Variants in CHST11 observed in about 807,000 individuals in gnomAD.
CHST11 encodes carbohydrate sulfotransferase 11.
A neutral mutation model predicts 30.4 loss-of-function variants in CHST11; 9 were observed. The observed-to-expected ratio is 0.30, with a 90% CI of 0.18 to 0.52. The LOEUF (loss-of-function observed/expected upper bound fraction) is 0.52. Ranked by LOEUF, CHST11 falls within the 20% of genes least tolerant of loss-of-function variation. The probability of loss-of-function intolerance (pLI) is 0.97; values close to 1 mark genes in which losing one functional copy is unlikely to be tolerated. For synonymous variants in CHST11, 152 were observed against 187.8 expected, an observed-to-expected ratio of 0.81 and a Z score of 1.56; for missense variants, 348 against 460.6, an observed-to-expected ratio of 0.76 and a Z score of 2.24.
intron 2 of CHST11, among the ~76,000 whole-genome samples, chr12:104,751,593 T>C (rs115116471): frequency 0.013 from 1,975 of 152,350 alleles, 42 homozygotes; most frequent in African/African-American, 0.045. Context: ...TTGAGATTCC[T>C]ATCCAGGCGT....
chr12:104,731,054 C>T (rs533527088), intron 2 of CHST11, among the ~76,000 whole-genome samples: 1 of 152,350 alleles, frequency 6.6e-6, no homozygotes, highest in East Asian at 1.9e-4. Flanking sequence ...TACGAGCTGT[C>T]TTCCTCAGGC....
At chr12:104,670,363 G>A (rs1190595624) in intron 2 of CHST11, among the ~76,000 whole-genome samples, 2 of 152,040 alleles carry the variant, frequency 1.3e-5, no homozygotes, top group Non-Finnish European at 2.9e-5. Flanking sequence ...GTCCTTCCCC[G>A]CTTTTCTATT....
chr12:104,496,126 G>A (rs1350459927), intron 1 of CHST11, among the ~76,000 whole-genome samples: 1 of 152,232 alleles, frequency 6.6e-6, no homozygotes, highest in African/African-American at 2.4e-5. Context: ...AATAGAAAAT[G>A]TGAGGAGAGA....
chr12:104,518,724 A>G (rs1352041217), intron 1 of CHST11, among the ~76,000 whole-genome samples: 1 of 152,214 alleles, frequency 6.6e-6, no homozygotes, highest in Non-Finnish European at 1.5e-5. Context: ...TTCATTTTCT[A>G]CAAAATAGTC....
intron 2 of CHST11, among the ~76,000 whole-genome samples, chr12:104,619,927 T>C (rs955756766): frequency 2.0e-5 from 3 of 152,124 alleles, no homozygotes; most frequent in Non-Finnish European, 2.9e-5. Flanking sequence ...AGGACCAAAT[T>C]TGAATGGGAG....
intron 1 of CHST11, among the ~76,000 whole-genome samples, chr12:104,470,803 T>C (rs550473513): frequency 1.8e-4 from 27 of 152,334 alleles, no homozygotes; most frequent in Non-Finnish European, 3.4e-4. Context: ...GGATCCTGGC[T>C]CAGGTCTAAC....
At chr12:104,644,416 C>G (rs1045849224) in intron 2 of CHST11, among the ~76,000 whole-genome samples, 1 of 152,226 alleles carries the variant, frequency 6.6e-6, no homozygotes, top group Non-Finnish European at 1.5e-5. Flanking sequence ...AGGCCAGATT[C>G]TGTTTCCTGC....
At chr12:104,567,631 A>T (rs1273092488) in intron 1 of CHST11, among the ~76,000 whole-genome samples, 2 of 151,892 alleles carry the variant, frequency 1.3e-5, no homozygotes, top group Non-Finnish European at 2.9e-5. Context: ...TCTCCTGTGA[A>T]TTTTTTCCTG....
At chr12:104,695,754 C>G (rs116905589) in intron 2 of CHST11, among the ~76,000 whole-genome samples, 3 of 152,152 alleles carry the variant, frequency 2.0e-5, no homozygotes, top group Admixed American at 6.5e-5. Flanking sequence ...TACCCAGAAG[C>G]GGCCCCAGCT....
intron 1 of CHST11, among the ~76,000 whole-genome samples, chr12:104,493,525 G>A (rs1235128168): frequency 6.6e-6 from 1 of 152,198 alleles, no homozygotes; most frequent in African/African-American, 2.4e-5. Context: ...ACATGTCCTG[G>A]TGAGAGGGGT....
chr12:104,611,839 T>C (rs2039062540), intron 2 of CHST11, among the ~76,000 whole-genome samples: 3 of 152,212 alleles, frequency 2.0e-5, no homozygotes, highest in African/African-American at 7.2e-5. Context: ...ATATCTTAAC[T>C]TTGATTTCAT....
chr12:104,510,636 C>T (rs923347729), intron 1 of CHST11, among the ~76,000 whole-genome samples: 5 of 152,218 alleles, frequency 3.3e-5, no homozygotes, highest in Non-Finnish European at 7.3e-5. Context: ...TTTGTGGAAA[C>T]ACTGTTTGTA....
rs543999381 is a variant in CHST11, at chr12:104,592,018, C to T, written c.119-9888C>T. Among the ~76,000 whole-genome samples, 14 of 152,128 alleles carry T rather than the reference C, an allele frequency of 9.2e-5. No individual in the cohort carries two copies. The South Asian group carries it at 1.9e-3, about 20-fold the overall frequency. On this transcript the variant is annotated intron_variant, in intron 1 of 2. Coordinates refer to ENST00000303694, the MANE Select transcript of CHST11 (RefSeq NM_018413.6). The stretch of plus-strand genomic sequence containing the variant: ...TGGACAGATCACCTTCTATCCTGCA[C>T]GTCCATTTCTTTACCTGCAAAATGG...
chr12:104,670,698 C>T (rs2039686969), intron 2 of CHST11, among the ~76,000 whole-genome samples: 1 of 151,024 alleles, frequency 6.6e-6, no homozygotes, highest in Non-Finnish European at 1.5e-5. Flanking sequence ...CCCCTGCATA[C>T]ACACACATCA....
At chr12:104,747,832 G>A (rs559439880) in intron 2 of CHST11, among the ~76,000 whole-genome samples, 53 of 152,096 alleles carry the variant, frequency 3.5e-4, no homozygotes, top group Non-Finnish European at 7.2e-4. Flanking sequence ...CAAAGGGGGC[G>A]ACCTCTCTTC....
intron 2 of CHST11, among the ~76,000 whole-genome samples, chr12:104,742,111 T>C (rs2136139474): frequency 6.6e-6 from 1 of 152,330 alleles, no homozygotes; most frequent in African/African-American, 2.4e-5. Context: ...GGCTCTCATC[T>C]AATCCTCAAA....
intron 1 of CHST11, among the ~76,000 whole-genome samples, chr12:104,524,853 A>G (rs1764674046): frequency 6.6e-6 from 1 of 152,218 alleles, no homozygotes; most frequent in Non-Finnish European, 1.5e-5. Context: ...TCCTTGACAC[A>G]TACCTATTTT....
intron 2 of CHST11, among the ~76,000 whole-genome samples, chr12:104,697,651 A>G (rs760969897): frequency 6.6e-6 from 1 of 152,116 alleles, no homozygotes; most frequent in African/African-American, 2.4e-5. Flanking sequence ...ACCCTAACAC[A>G]CAGATGTTTT....
chr12:104,721,999 G>T (rs973788989), intron 2 of CHST11, among the ~76,000 whole-genome samples: 7 of 152,020 alleles, frequency 4.6e-5, no homozygotes, highest in African/African-American at 9.7e-5. Flanking sequence ...GTTTTGGGGG[G>T]TTTTTTTGAG....
Sources: allele counts gnomAD v4.1 joint callset (sites outside exome capture counted in the v4.1 genomes callset), GRCh38; gene constraint gnomAD v4.1.1; transcripts MANE v1.5; gene names NCBI Gene and HGNC (gene_info 2026-07-23, HGNC 2026-07-21).